The following IL1RAPL2 variants were observed in gnomAD, a reference collection of about 807,000 sequenced individuals.
IL1RAPL2 encodes interleukin 1 receptor accessory protein like 2, also known as X-linked interleukin-1 receptor accessory protein-like 2.
Under a neutral mutation model 44.1 loss-of-function variants are expected in IL1RAPL2, and 3 were observed. That is an observed-to-expected ratio of 0.07 (90% CI 0.03 to 0.18). IL1RAPL2 has a LOEUF of 0.18. IL1RAPL2 is among the 10% of genes least tolerant of loss of function. The pLI is 1.00. For synonymous variants in IL1RAPL2, 181 were observed against 178.8 expected (o/e 1.01, Z -0.10); for missense variants, 391 against 496.4 (o/e 0.79, Z 2.02).
intron 1 of IL1RAPL2, among the ~76,000 whole-genome samples, chrX:104,657,837 A>G (rs1410856536): frequency 8.9e-6 from 1 of 112,437 alleles, no homozygotes; most frequent in Admixed American, 9.4e-5. Context: ...AAAATAAGAC[A>G]TTTATGCAGC....
At chrX:105,507,293 G>A (rs548840493) in intron 6 of IL1RAPL2, among the ~76,000 whole-genome samples, 3 of 111,929 alleles carry the variant, frequency 2.7e-5, no homozygotes, top group African/African-American at 9.7e-5. Context: ...TTTCGACAAC[G>A]TATAATTTTC....
chrX:105,718,710 A>G (rs760366413), intron 7 of IL1RAPL2, among the ~76,000 whole-genome samples: 1 of 111,494 alleles, frequency 9.0e-6, no homozygotes, highest in East Asian at 2.8e-4. Context: ...GCTTGAGCTC[A>G]GGAGTTTGAG....
At chrX:104,919,538 C>CT (rs1924567212) in intron 2 of IL1RAPL2, among the ~76,000 whole-genome samples, 1 of 45,654 alleles carries the variant, frequency 2.2e-5, no homozygotes, top group African/African-American at 8.2e-5. Context: ...TTTTTTTTTT[C>CT]TTTTTTCTGA....
chrX:105,199,650 T>C (rs2033700244), intron 3 of IL1RAPL2, among the ~76,000 whole-genome samples: 1 of 111,940 alleles, frequency 8.9e-6, no homozygotes, highest in Non-Finnish European at 1.9e-5. Context: ...TTGGCCTTTT[T>C]TATGTCTATT....
At chrX:105,157,646 C>A (rs1331367637) in intron 2 of IL1RAPL2, among the ~76,000 whole-genome samples, 1 of 111,725 alleles carries the variant, frequency 9.0e-6, no homozygotes, top group Non-Finnish European at 1.9e-5. Context: ...TTAAGGATTG[C>A]AAAAGTTATA....
rs185542619 is a variant in IL1RAPL2 at position 105,082,452 on chromosome X, A to G, written c.83-113023A>G. On this transcript the variant is annotated intron_variant, in intron 2 of 10. Coordinates refer to ENST00000372582, the MANE Select transcript of IL1RAPL2 (RefSeq NM_017416.2). ...GGGTTCACAGCGTTCAAACTTTACTAAGGATCAGACTGCTTCCTCAAGTGG... is the reference window on the plus strand; with the variant it reads ...GGGTTCACAGCGTTCAAACTTTACTGAGGATCAGACTGCTTCCTCAAGTGG... 3.6e-5 allele frequency among the ~76,000 whole-genome samples: 4 copies of G among 111,539 alleles called. No homozygotes were observed. In the East Asian group the frequency reaches 8.5e-4, roughly 24 times the overall value.
intron 5 of IL1RAPL2, among the ~76,000 whole-genome samples, chrX:105,274,650 T>C (rs2147660154): frequency 8.9e-6 from 1 of 111,833 alleles, no homozygotes; most frequent in Non-Finnish European, 1.9e-5. Context: ...GAAAAGAGAG[T>C]TATTCACTAG....
At chrX:105,542,117 C>T (rs1013744808) in intron 6 of IL1RAPL2, among the ~76,000 whole-genome samples, 2 of 111,822 alleles carry the variant, frequency 1.8e-5, no homozygotes, top group Admixed American at 1.9e-4. Flanking sequence ...TGCACAGTTC[C>T]ACCATCTTCT....
intron 8 of IL1RAPL2, among the ~76,000 whole-genome samples, chrX:105,741,102 AT>A (rs1240318414): frequency 1.3e-4 from 15 of 112,077 alleles, no homozygotes; most frequent in African/African-American, 4.5e-4. Context: ...AAATAAAAAA[AT>A]AATAATCCCA....
At chrX:105,196,570 C>G (rs2033673991) in intron 3 of IL1RAPL2, among the ~76,000 whole-genome samples, 1 of 111,662 alleles carries the variant, frequency 9.0e-6, no homozygotes. Context: ...TCTAAATAAT[C>G]AACATCGAGC....
chrX:105,043,769 A>T (rs998874707), intron 2 of IL1RAPL2, among the ~76,000 whole-genome samples: 1 of 110,680 alleles, frequency 9.0e-6, no homozygotes, highest in African/African-American at 3.3e-5. Flanking sequence ...ATTGTTACAA[A>T]CTTCATAAAC....
intron 2 of IL1RAPL2, among the ~76,000 whole-genome samples, chrX:104,874,487 G>C (rs1207768936): frequency 9.1e-6 from 1 of 110,161 alleles, no homozygotes; most frequent in East Asian, 2.9e-4. Flanking sequence ...TCTACTTCTT[G>C]GACTGATTAT....
chrX:105,449,621 C>T lies in IL1RAPL2; in HGVS notation c.698-34692C>T, dbSNP rs188847248. Among the ~76,000 whole-genome samples, 201 of 108,880 alleles carry T rather than the reference C, an allele frequency of 1.8e-3. 1 individual carries two copies. The highest frequency in any genetic ancestry group is 6.6e-3 in the African/African-American group (196 of 29,864). The allele number at this position is 108,880 out of a possible 115,157, so 94.5% of individuals were successfully genotyped here. On this transcript the variant is annotated intron_variant, in intron 5 of 10. Transcript: ENST00000372582. ...AATTAGCTGGGCGTGGTGGTGTGCACCTGTAGTCCCAGCTACTCAGGAGGC... is the reference window on the plus strand; with the variant it reads ...AATTAGCTGGGCGTGGTGGTGTGCATCTGTAGTCCCAGCTACTCAGGAGGC...
At chrX:104,787,143 C>T (rs546237579) in intron 2 of IL1RAPL2, among the ~76,000 whole-genome samples, 1 of 111,102 alleles carries the variant, frequency 9.0e-6, no homozygotes, top group South Asian at 3.9e-4. Context: ...GTGAACAAAA[C>T]AAAGTTCTGC....
intron 2 of IL1RAPL2, among the ~76,000 whole-genome samples, chrX:104,682,500 G>C (rs1325653600): frequency 1.8e-5 from 2 of 112,306 alleles, no homozygotes; most frequent in Non-Finnish European, 3.8e-5. Context: ...AAATCTCTTG[G>C]AGATCATTTT....
intron 2 of IL1RAPL2, among the ~76,000 whole-genome samples, chrX:104,991,996 G>T (rs1381506585): frequency 9.0e-6 from 1 of 111,371 alleles, no homozygotes; most frequent in Non-Finnish European, 1.9e-5. Flanking sequence ...GCAATGGAAG[G>T]CATTCAAATT....
At chrX:105,063,538 C>T (rs1368526055) in intron 2 of IL1RAPL2, among the ~76,000 whole-genome samples, 3 of 112,223 alleles carry the variant, frequency 2.7e-5, no homozygotes, top group Non-Finnish European at 5.6e-5. Flanking sequence ...AAGTGCTCAC[C>T]TCAGGGGATG....
At chrX:104,963,940 A>T (rs113980908) in intron 2 of IL1RAPL2, among the ~76,000 whole-genome samples, 35 of 44,286 alleles carry the variant, frequency 7.9e-4, no homozygotes, top group African/African-American at 1.1e-3. Flanking sequence ...TGTGTGAGAG[A>T]GAGAGAGAGA....
chrX:104,882,916 C>A (rs1034264854), intron 2 of IL1RAPL2, among the ~76,000 whole-genome samples: 2 of 111,389 alleles, frequency 1.8e-5, no homozygotes, highest in African/African-American at 3.3e-5. Flanking sequence ...GACGCCCCAC[C>A]TTTAAAAGCT....
Sources: allele counts gnomAD v4.1 joint callset (sites outside exome capture counted in the v4.1 genomes callset), GRCh38; gene constraint gnomAD v4.1.1; transcripts MANE v1.5; gene names NCBI Gene and HGNC (gene_info 2026-07-23, HGNC 2026-07-21).